PTPRM: variants seen among roughly 807,000 people sequenced by gnomAD.
The protein encoded by PTPRM is protein tyrosine phosphatase receptor type M, also known as receptor-type tyrosine-protein phosphatase mu.
Under a neutral mutation model 186.7 loss-of-function variants are expected in PTPRM, and 47 were observed. The ratio of observed to expected loss-of-function variants is 0.25; its 90% CI spans 0.20 to 0.32. The LOEUF is 0.32. Among genes scored for constraint, PTPRM ranks in the 10% least tolerant of loss-of-function variants. The probability of loss-of-function intolerance (pLI) is 1.00; values close to 1 mark genes in which losing one functional copy is unlikely to be tolerated. For synonymous variants in PTPRM, 668 were observed against 674.9 expected (o/e 0.99, Z 0.16); for missense variants, 1,494 against 1,865.0 (o/e 0.80, Z 3.66).
At chr18:8,258,741 C>T (rs2094598329) in intron 19 of PTPRM, among the ~76,000 whole-genome samples, 1 of 151,914 alleles carries the variant, frequency 6.6e-6, no homozygotes, top group Non-Finnish European at 1.5e-5. Context: ...AGAGGATGTC[C>T]TGAAAAACAC....
intron 2 of PTPRM, among the ~76,000 whole-genome samples, chr18:7,822,621 A>AT (rs1423498832): frequency 6.6e-6 from 1 of 152,116 alleles, no homozygotes; most frequent in African/African-American, 2.4e-5. Context: ...CTGCATTGTC[A>AT]TTTTTTAAGG....
Position 7,853,985 on chromosome 18 carries a change from C to A in PTPRM, c.197-34121C>A, listed in dbSNP as rs575776360. Among the ~76,000 whole-genome samples, 340 of 152,290 alleles carry A rather than the reference C, an allele frequency of 2.2e-3. 3 individuals are homozygous for A. The highest frequency in any genetic ancestry group is 2.9e-3 in the Non-Finnish European group (200 of 68,030). On this transcript the variant is annotated intron_variant, in intron 2 of 32. Transcript: ENST00000580170. ...AAATGAGCCATAAAATTCTCTGTAT[C>A]TGTTGGACCTAGACTGCTGAATTGA...
At chr18:7,897,125 T>G (rs1483017859) in intron 3 of PTPRM, among the ~76,000 whole-genome samples, 1 of 152,148 alleles carries the variant, frequency 6.6e-6, no homozygotes, top group Non-Finnish European at 1.5e-5. Context: ...AAAGAAGCAC[T>G]GGGTTAAACA....
chr18:8,047,002 GT>G (rs900799781), intron 7 of PTPRM, among the ~76,000 whole-genome samples: 1 of 152,038 alleles, frequency 6.6e-6, no homozygotes, highest in Non-Finnish European at 1.5e-5. Context: ...CCAAATAAAG[GT>G]TTTTTCTTAA....
chr18:8,150,473 C>T (rs891700879), intron 14 of PTPRM, among the ~76,000 whole-genome samples: 1 of 151,992 alleles, frequency 6.6e-6, no homozygotes, highest in African/African-American at 2.4e-5. Flanking sequence ...ACAAAGTTCT[C>T]GTGCTGTGCT....
intron 14 of PTPRM, among the ~76,000 whole-genome samples, chr18:8,167,357 C>T (rs55713204): frequency 4.6e-5 from 7 of 152,330 alleles, no homozygotes; most frequent in African/African-American, 1.7e-4. Context: ...GTGTACACTT[C>T]ATTGTCACAG....
chr18:7,844,419 A>C (rs1412682197), intron 2 of PTPRM, among the ~76,000 whole-genome samples: 1 of 152,150 alleles, frequency 6.6e-6, no homozygotes, highest in East Asian at 1.9e-4. Flanking sequence ...ACAGCTTCTC[A>C]AATATAGATC....
intron 2 of PTPRM, among the ~76,000 whole-genome samples, chr18:7,831,143 A>G (rs2045741080): frequency 6.6e-6 from 1 of 152,118 alleles, no homozygotes; most frequent in Non-Finnish European, 1.5e-5. Context: ...TTTGAGGAAA[A>G]TATACACTAT....
At chr18:7,700,371 A>G (rs1326981173) in intron 1 of PTPRM, among the ~76,000 whole-genome samples, 2 of 152,172 alleles carry the variant, frequency 1.3e-5, no homozygotes, top group African/African-American at 2.4e-5. Context: ...TGGGTACCCT[A>G]CATACATTCA....
intron 23 of PTPRM, among the ~76,000 whole-genome samples, chr18:8,348,309 T>A (rs1242110100): frequency 6.6e-6 from 1 of 152,248 alleles, no homozygotes; most frequent in Non-Finnish European, 1.5e-5. Flanking sequence ...TAATTGCTGG[T>A]GTTGGAGCCG....
chr18:8,116,914 C>T (rs1379658025), intron 13 of PTPRM, among the ~76,000 whole-genome samples: 1 of 152,178 alleles, frequency 6.6e-6, no homozygotes, highest in Non-Finnish European at 1.5e-5. Context: ...CAAAGAACCT[C>T]TTTTGGGGAA....
chr18:8,355,232 A>T (rs1373712324), intron 23 of PTPRM, among the ~76,000 whole-genome samples: 2 of 152,216 alleles, frequency 1.3e-5, no homozygotes, highest in African/African-American at 4.8e-5. Context: ...GTGGAAGTTC[A>T]TGAAAGAGGC....
At chr18:8,294,792 A>T (rs1049571926) in intron 19 of PTPRM, among the ~76,000 whole-genome samples, 2 of 152,212 alleles carry the variant, frequency 1.3e-5, no homozygotes, top group Non-Finnish European at 2.9e-5. Flanking sequence ...CTTAACTCTT[A>T]GGTTTGTAGT....
At chr18:8,212,647 A>C (rs1398337555) in intron 14 of PTPRM, among the ~76,000 whole-genome samples, 7 of 151,956 alleles carry the variant, frequency 4.6e-5, no homozygotes, top group African/African-American at 1.7e-4. Flanking sequence ...TCTGCAAAAA[A>C]ATTTTTTTAA....
chr18:7,842,156 A>C (rs1203701783), intron 2 of PTPRM, among the ~76,000 whole-genome samples: 3 of 152,190 alleles, frequency 2.0e-5, no homozygotes, highest in African/African-American at 7.2e-5. Context: ...AGATAGGAAA[A>C]ATATGAGGCT....
intron 2 of PTPRM, among the ~76,000 whole-genome samples, chr18:7,871,893 T>C (rs1250942535): frequency 4.6e-5 from 7 of 152,236 alleles, no homozygotes; most frequent in Non-Finnish European, 8.8e-5. Context: ...TCAATACATA[T>C]ACACAGTACA....
rs115194175 is a variant in PTPRM at position 8,045,852 on chromosome 18, G to A, written c.1133-23834G>A. 2.3e-3 allele frequency among the ~76,000 whole-genome samples: 346 copies of A among 152,262 alleles called. 1 individual carries two copies. Among genetic ancestry groups the A allele is most frequent in the African/African-American group, 7.9e-3 (329 of 41,540 alleles). On this transcript the variant is annotated intron_variant, in intron 7 of 32. Coordinates refer to ENST00000580170, the MANE Select transcript of PTPRM (RefSeq NM_001105244.2). ...ATAGCTCAAAAAGATGTTGAAAAAAGGGACTTAAGTGAGGAAAACTAAGAA... is the reference window on the plus strand; with the variant it reads ...ATAGCTCAAAAAGATGTTGAAAAAAAGGACTTAAGTGAGGAAAACTAAGAA...
intron 1 of PTPRM, among the ~76,000 whole-genome samples, chr18:7,704,714 A>C (rs1433933185): frequency 6.6e-6 from 1 of 152,136 alleles, no homozygotes; most frequent in Non-Finnish European, 1.5e-5. Context: ...TAAAACATGA[A>C]CGGAAATATG....
At chr18:7,767,690 C>G (rs1330464881) in intron 1 of PTPRM, among the ~76,000 whole-genome samples, 1 of 152,110 alleles carries the variant, frequency 6.6e-6, no homozygotes, top group Non-Finnish European at 1.5e-5. Context: ...CAACAACTAG[C>G]CTTGCTGTCT....
Sources: gnomAD v4.1 joint callset for allele counts (sites outside exome capture counted in the v4.1 genomes callset) on GRCh38, gnomAD v4.1.1 for gene constraint, MANE v1.5 for transcripts, NCBI Gene and HGNC (gene_info 2026-07-23, HGNC 2026-07-21) for gene names.